The following DOT1L variants were observed in gnomAD, a reference collection of about 807,000 sequenced individuals.
DOT1L encodes the protein DOT1 like histone lysine methyltransferase.
Under a neutral mutation model 153.3 loss-of-function variants are expected in DOT1L, and 33 were observed. That is an observed-to-expected ratio of 0.22 (90% CI 0.16 to 0.29). DOT1L has a LOEUF of 0.29. Ranked by LOEUF, DOT1L falls within the 10% of genes least tolerant of loss-of-function variation. DOT1L has a pLI of 1.00. For synonymous variants in DOT1L, 1,135 were observed against 965.1 expected (o/e 1.18, Z -3.26); for missense variants, 1,847 against 2,119.9 (o/e 0.87, Z 2.53).
At chr19:2,218,153 C>T (rs1383426247) in intron 22 of DOT1L, among the ~76,000 whole-genome samples, 1 of 152,184 alleles carries the variant, frequency 6.6e-6, no homozygotes, top group African/African-American at 2.4e-5. Flanking sequence ...GGCCTCACAC[C>T]TTCTGGGTTG....
At chr19:2,225,086 T>A (rs928818913) in intron 25 of DOT1L, among the ~76,000 whole-genome samples, 2 of 152,192 alleles carry the variant, frequency 1.3e-5, no homozygotes, top group Non-Finnish European at 2.9e-5. Flanking sequence ...TTCTCACACT[T>A]CTGTGTGCTG....
At chr19:2,170,765 T>C (rs2108524) in intron 1 of DOT1L, among the ~76,000 whole-genome samples, 70,291 of 151,674 alleles carry the variant, frequency 0.46, 16,386 homozygotes, top group African/African-American at 0.47. Context: ...CTTAGGTCCT[T>C]TGGTTAATGA....
rs373853253 is a variant in DOT1L, at chr19:2,220,125, C to G, written c.2709C>G (p.Pro903=). ...RAERARSTPS[P]VLQPRDPSST... ...CTCTGCAGAGGAGCACCCCCAGTCC[C>G]GTGCTGCAGCCCCGTGACCCCTCGT... Residue 903 remains proline, a synonymous_variant, in exon 23 of 28, where the codon CCC becomes CCG. Coordinates refer to ENST00000398665, the MANE Select transcript of DOT1L (RefSeq NM_032482.3). This position sits in a 1 kb window ranked among gnomAD's most constrained non-coding sequence, Gnocchi z 4.5. The G allele has an allele frequency of 1.2e-6, 2 of 1,610,948 alleles. No individual in the cohort carries two copies. Among genetic ancestry groups the G allele is most frequent in the South Asian group, 2.2e-5 (2 of 90,998 alleles).
At chr19:2,225,532 C>A in intron 26 of DOT1L, 80 bp downstream of exon 26, 1 of 1,420,604 alleles carries the variant, frequency 7.0e-7, no homozygotes, top group Non-Finnish European at 1.0e-6. Context: ...GACCCACCTG[C>A]TGGCCCGCTG....
chr19:2,202,727 T>C lies in DOT1L; in HGVS notation c.735T>C (p.Phe245=). 6.2e-7 allele frequency: 1 copy of C among 1,614,230 alleles called. No individual in the cohort carries two copies. Among genetic ancestry groups the C allele is most frequent in the South Asian group, 1.1e-5 (1 of 91,082 alleles). ...TSVIFVNNFA[F]GPEVDHQLKE... is the part of the protein sequence containing the mutation. ...TTATATTTGTGAATAATTTTGCCTT[T>C]GGTCCTGAGGTGGATCACCAGCTGA... Residue 245 remains phenylalanine, a synonymous_variant, in exon 9 of 28, where the codon TTT becomes TTC. Transcript: ENST00000398665.
At chr19:2,177,075 C>G (rs2021977872) in intron 1 of DOT1L, among the ~76,000 whole-genome samples, 1 of 152,206 alleles carries the variant, frequency 6.6e-6, no homozygotes, top group Non-Finnish European at 1.5e-5. Flanking sequence ...CCGGCTGCAC[C>G]CTGCAACATC....
intron 1 of DOT1L, among the ~76,000 whole-genome samples, chr19:2,178,380 A>AC: frequency 6.6e-6 from 1 of 150,698 alleles, no homozygotes; most frequent in East Asian, 1.9e-4. Flanking sequence ...AAAAAAAAAA[A>AC]AACAAAAAAT....
intron 5 of DOT1L, among the ~76,000 whole-genome samples, chr19:2,192,617 GAGA>G (rs921065517): frequency 2.2e-4 from 33 of 149,822 alleles, no homozygotes; most frequent in African/African-American, 7.9e-4. Flanking sequence ...AGGTTGTGGT[GAGA>G]CGAGATCGCA....
chr19:2,226,940 G>C lies in DOT1L; in HGVS notation c.4419G>C (p.Gln1473His), dbSNP rs1404908178. The C allele has an allele frequency of 6.3e-7, 1 of 1,584,386 alleles. No individual in the cohort carries two copies. The highest frequency in any genetic ancestry group is 8.5e-7 in the Non-Finnish European group (1 of 1,173,878). ...TGGGCCCCTTCCCGCCGGGACCGCA[G>C]TTCGCGCTCGGCCCCATGTCCCTGC... is the stretch of plus-strand genomic sequence containing the variant. ...SFLGPFPPGP[Q>H]FALGPMSLQA... Residue 1473 changes from glutamine to histidine, a missense_variant, in exon 27 of 28, where the codon CAG becomes CAC. By Grantham distance (24) the Gln-to-His change is conservative. Around this residue, in one of 8 missense-constraint regions of DOT1L, gnomAD observed 934 missense variants for 825.3 expected, o/e 1.13. Coordinates refer to ENST00000398665, the MANE Select transcript of DOT1L (RefSeq NM_032482.3).
chr19:2,222,419 C>T lies in DOT1L; in HGVS notation c.3250C>T (p.Arg1084Cys), dbSNP rs1195770308. 9.3e-6 allele frequency: 15 copies of T among 1,610,206 alleles called. No homozygotes were observed. The highest frequency in any genetic ancestry group is 2.7e-5 in the African/African-American group (2 of 74,900). The change falls in exon 24 of 28, where the codon CGC becomes TGC. Residue 1084 changes from arginine to cysteine, a missense_variant. Coordinates refer to ENST00000398665, the MANE Select transcript of DOT1L (RefSeq NM_032482.3). This position sits in a 1 kb window ranked among gnomAD's most constrained non-coding sequence, Gnocchi z 6.5. ...DCVPSHGQDS[R>C]RRGRRKRASA... is the part of the protein sequence containing the mutation. Reference sequence around the variant, plus strand: ...TGTGCCGAGCCACGGGCAGGACAGTCGCAGGCGCGGCCGGCGGAAGCGAGC... The same window carrying T: ...TGTGCCGAGCCACGGGCAGGACAGTTGCAGGCGCGGCCGGCGGAAGCGAGC...
chr19:2,229,655 C>T, intron 27 of DOT1L, 130 bp from the exon 28 acceptor site: 1 of 1,594,410 alleles, frequency 6.3e-7, no homozygotes. Flanking sequence ...GGCACTATGC[C>T]TGTCATGGTG....
At chr19:2,168,642 T>G (rs112081009) in intron 1 of DOT1L, among the ~76,000 whole-genome samples, 19 of 152,282 alleles carry the variant, frequency 1.2e-4, no homozygotes, top group African/African-American at 4.6e-4. Flanking sequence ...TGAGAGGGAA[T>G]CTCGTACTGT....
chr19:2,228,336 A>G, intron 27 of DOT1L: 2 of 1,328,298 alleles, frequency 1.5e-6, no homozygotes, highest in South Asian at 2.4e-5. Context: ...TTCGGGGGTT[A>G]AGCCGCGATA....
rs112895994 is a variant in DOT1L at position 2,212,044 on chromosome 19, A to G, written c.1557+202A>G. 1.6e-3 allele frequency: 924 copies of G among 565,664 alleles called. 6 individuals are homozygous for G. The highest frequency in any genetic ancestry group is 0.016 in the African/African-American group (825 of 52,600). The allele number at this position is 565,664 out of a possible 1,614,324, so 35.0% of individuals were successfully genotyped here. A position where few individuals can be genotyped will look rare whatever the true frequency, so the allele number is the denominator to read the frequency against. On this transcript the variant is annotated intron_variant, in intron 16 of 27. Coordinates refer to ENST00000398665, the MANE Select transcript of DOT1L (RefSeq NM_032482.3). ...AGACCCGGAAAACAGCGAAAATGAGACTTTTAATCATGGTTTTGCAAGACC... is the reference window on the plus strand; with the variant it reads ...AGACCCGGAAAACAGCGAAAATGAGGCTTTTAATCATGGTTTTGCAAGACC...
At position 2,227,103 on chromosome 19, in the gene DOT1L, G is replaced by T; in HGVS notation, c.4582G>T (p.Gly1528Trp). 2.6e-6 allele frequency: 4 copies of T among 1,554,314 alleles called. No individual in the cohort carries two copies. The highest frequency in any genetic ancestry group is 2.6e-6 in the Non-Finnish European group (3 of 1,156,436). ...CTCGCACGCCATGGGCAGCTTTTCCGGGGTGGCAGGCGGCACAGTTGGAGG... is the reference window on the plus strand; with the variant it reads ...CTCGCACGCCATGGGCAGCTTTTCCTGGGTGGCAGGCGGCACAGTTGGAGG... ...TNSHAMGSFS[G>W]VAGGTVGGN is the part of the protein sequence containing the mutation. The change falls in exon 27 of 28, where the codon GGG becomes TGG. Residue 1528 changes from glycine to tryptophan, a missense_variant. Coordinates refer to ENST00000398665, the MANE Select transcript of DOT1L (RefSeq NM_032482.3).
intron 3 of DOT1L, 48 bp from the exon 4 acceptor site, chr19:2,189,684 C>T (rs1291312281): frequency 8.8e-6 from 14 of 1,598,146 alleles, no homozygotes; most frequent in African/African-American, 5.3e-5. Flanking sequence ...CCCATGCATG[C>T]GGCTGGCTCC....
chr19:2,194,002 G>A (rs116656742), intron 6 of DOT1L, among the ~76,000 whole-genome samples: 1 of 152,144 alleles, frequency 6.6e-6, no homozygotes, highest in Non-Finnish European at 1.5e-5. Context: ...CTGTCCAAGC[G>A]CTGCAGGGGT....
intron 19 of DOT1L, 99 bp downstream of exon 19, chr19:2,214,695 C>G (rs1241725952): frequency 3.3e-6 from 5 of 1,497,202 alleles, no homozygotes; most frequent in Non-Finnish European, 4.5e-6. Context: ...TTGCAGCAGC[C>G]TAGGAAGAAG....
rs199963015 is a variant in DOT1L, at chr19:2,216,765, G to C, written c.2408G>C (p.Arg803Thr). ...GRPAASELHS[R>T]AEHTKENGLP... Reference sequence around the variant, plus strand: ...CCGGCTGCCAGTGAGCTGCATTCGAGGTGAGTGCCCTGGTGGGGCTGGGGG... The same window carrying C: ...CCGGCTGCCAGTGAGCTGCATTCGACGTGAGTGCCCTGGTGGGGCTGGGGG... The change falls in exon 20 of 28, where the codon AGA becomes ACA. Residue 803 changes from arginine (R) to threonine (T), a missense_variant and splice_region_variant. Around this residue, in one of 8 missense-constraint regions of DOT1L, gnomAD observed 281 missense variants for 263.6 expected, o/e 1.07. Coordinates refer to ENST00000398665, the MANE Select transcript of DOT1L (RefSeq NM_032482.3). The C allele has an allele frequency of 6.4e-5, 102 of 1,588,070 alleles. No individual in the cohort carries two copies. Among genetic ancestry groups the C allele is most frequent in the Admixed American group, 1.2e-4 (7 of 59,562 alleles).
Sources: allele counts gnomAD v4.1 joint callset (sites outside exome capture counted in the v4.1 genomes callset), GRCh38; gene constraint gnomAD v4.1.1; regional missense constraint gnomAD v4.1.1; non-coding constraint Gnocchi (gnomAD v3.1); transcripts MANE v1.5; gene names NCBI Gene and HGNC (gene_info 2026-07-23, HGNC 2026-07-21).